Variants in UST observed in about 807,000 individuals in gnomAD.
The protein encoded by UST is chondroitin sulfate 2-O-sulfotransferase.
A neutral mutation model predicts 45.6 loss-of-function variants in UST; 21 were observed. The observed-to-expected ratio is 0.46, with a 90% CI of 0.33 to 0.66. UST has a LOEUF of 0.66. Ranked by LOEUF, UST falls within the 30% of genes least tolerant of loss-of-function variation. The pLI is 0.02. For missense variants in UST, 463 were observed against 512.4 expected (o/e 0.90, Z 0.93); for synonymous variants, 215 against 200.6 (o/e 1.07, Z -0.61).
intron 3 of UST, among the ~76,000 whole-genome samples, chr6:148,947,318 A>C (rs1330534673): frequency 1.3e-5 from 2 of 152,208 alleles, no homozygotes; most frequent in Non-Finnish European, 2.9e-5. Context: ...ACATGGGTTA[A>C]TAAAAAATTG....
intron 1 of UST, among the ~76,000 whole-genome samples, chr6:148,884,283 A>C (rs1464002105): frequency 2.0e-5 from 3 of 152,184 alleles, no homozygotes; most frequent in Non-Finnish European, 4.4e-5. Context: ...AATACTGAGT[A>C]CCTGCTATTT....
intron 6 of UST, among the ~76,000 whole-genome samples, chr6:149,019,994 G>A (rs1257746087): frequency 6.6e-6 from 1 of 152,154 alleles, no homozygotes; most frequent in Non-Finnish European, 1.5e-5. Context: ...CAACAATGAA[G>A]CATTATATTT....
intron 1 of UST, among the ~76,000 whole-genome samples, chr6:148,784,095 A>G (rs1205633153): frequency 6.6e-6 from 1 of 152,212 alleles, no homozygotes; most frequent in Admixed American, 6.5e-5. Flanking sequence ...CATTTTAAAT[A>G]AAGACTGACT....
In UST at chr6:148,830,771, G is replaced by A. The variant is rs902252780; in HGVS notation, c.248-56215G>A. ...CTAGAGTAGTCAAATTCATAGAAACGAAAATAAAATGGTGGTTGCCAGAGA... is the reference window on the plus strand; with the variant it reads ...CTAGAGTAGTCAAATTCATAGAAACAAAAATAAAATGGTGGTTGCCAGAGA... On this transcript the variant is annotated intron_variant, in intron 1 of 7. Coordinates refer to ENST00000367463, the MANE Select transcript of UST (RefSeq NM_005715.3). Among the ~76,000 whole-genome samples, 9 of 152,234 alleles carry A rather than the reference G, an allele frequency of 5.9e-5. No homozygotes were observed. In the East Asian group the frequency reaches 1.7e-3, roughly 29 times the overall value.
intron 1 of UST, among the ~76,000 whole-genome samples, chr6:148,866,037 A>T (rs115495241): frequency 0.013 from 2,042 of 152,180 alleles, 30 homozygotes; most frequent in Admixed American, 0.025. Flanking sequence ...GTGTATGTAT[A>T]TATATATACA....
intron 7 of UST, among the ~76,000 whole-genome samples, chr6:149,039,913 T>C (rs1377339754): frequency 6.6e-6 from 1 of 152,184 alleles, no homozygotes; most frequent in Non-Finnish European, 1.5e-5. Flanking sequence ...TGGCTCTCCT[T>C]CTCCCATCCT....
intron 1 of UST, among the ~76,000 whole-genome samples, chr6:148,758,847 T>C (rs1040357595): frequency 6.6e-6 from 1 of 152,192 alleles, no homozygotes; most frequent in Non-Finnish European, 1.5e-5. Flanking sequence ...TCGTAGAAAG[T>C]TGTATTTTGT....
At chr6:148,847,516 G>A (rs1265048441) in intron 1 of UST, among the ~76,000 whole-genome samples, 1 of 152,172 alleles carries the variant, frequency 6.6e-6, no homozygotes, top group East Asian at 1.9e-4. Flanking sequence ...GTCACTCCCT[G>A]TCACCTTTGG....
chr6:149,055,648 C>G (rs1427610401), intron 7 of UST, among the ~76,000 whole-genome samples: 1 of 152,174 alleles, frequency 6.6e-6, no homozygotes, highest in African/African-American at 2.4e-5. Flanking sequence ...CTCTTTCTTA[C>G]CTGCTTCTAA....
At chr6:148,813,637 C>A (rs1777301051) in intron 1 of UST, among the ~76,000 whole-genome samples, 2 of 152,176 alleles carry the variant, frequency 1.3e-5, no homozygotes, top group Admixed American at 6.5e-5. Context: ...ACCTTGGCCT[C>A]CCAAAGTGCT....
intron 7 of UST, among the ~76,000 whole-genome samples, chr6:149,042,268 CT>C (rs1304206822): frequency 6.6e-6 from 1 of 152,026 alleles, no homozygotes; most frequent in Non-Finnish European, 1.5e-5. Flanking sequence ...TTTTAAAGAG[CT>C]TTTTTTGTAG....
intron 7 of UST, among the ~76,000 whole-genome samples, chr6:149,067,748 A>T (rs1303128352): frequency 6.6e-6 from 1 of 152,192 alleles, no homozygotes. Context: ...CTCTGAGTGA[A>T]ATCATAAGAG....
intron 1 of UST, among the ~76,000 whole-genome samples, chr6:148,835,093 C>G (rs1777762001): frequency 6.6e-6 from 1 of 152,104 alleles, no homozygotes; most frequent in African/African-American, 2.4e-5. Flanking sequence ...GGTTCTGTGT[C>G]TGTGGATTCA....
intron 1 of UST, among the ~76,000 whole-genome samples, chr6:148,826,727 C>T (rs1269507063): frequency 6.6e-6 from 1 of 152,112 alleles, no homozygotes; most frequent in African/African-American, 2.4e-5. Flanking sequence ...ATCAAGGGGC[C>T]AGGAGGGCTG....
At chr6:148,914,880 A>T (rs534443915) in intron 2 of UST, among the ~76,000 whole-genome samples, 18 of 152,236 alleles carry the variant, frequency 1.2e-4, no homozygotes, top group Non-Finnish European at 2.6e-4. Flanking sequence ...GGCTTCTATA[A>T]CAAAATACCA....
intron 1 of UST, among the ~76,000 whole-genome samples, chr6:148,850,819 C>T (rs866000446): frequency 5.3e-5 from 8 of 152,320 alleles, no homozygotes; most frequent in South Asian, 4.1e-4. Context: ...CTATGATTCC[C>T]GTTGTCCCAC....
At chr6:148,853,872 T>C (rs949073449) in intron 1 of UST, among the ~76,000 whole-genome samples, 3 of 152,202 alleles carry the variant, frequency 2.0e-5, no homozygotes, top group Non-Finnish European at 4.4e-5. Flanking sequence ...AGTAACACTT[T>C]CTGCTCCCAG....
At chr6:148,892,520 T>C (rs11759833) in intron 2 of UST, among the ~76,000 whole-genome samples, 32,098 of 152,150 alleles carry the variant, frequency 0.21, 4,142 homozygotes, top group African/African-American at 0.35. Flanking sequence ...TAGGCTCACA[T>C]TGTTTAATAT....
At position 148,941,582 on chromosome 6, in the gene UST, G is replaced by C; in HGVS notation, c.447+148G>C. The C allele has an allele frequency of 1.5e-5, 14 of 933,132 alleles. No individual in the cohort carries two copies. In the South Asian group the frequency reaches 2.6e-4, roughly 17 times the overall value. The allele number at this position is 933,132 out of a possible 1,614,324, so 57.8% of individuals were successfully genotyped here. A position where few individuals can be genotyped will look rare whatever the true frequency, so the allele number is the denominator to read the frequency against. On this transcript the variant is annotated intron_variant, in intron 3 of 7. Transcript: ENST00000367463. ...CTGTATTTTTGCCAGAGTGTGGAAG[G>C]AAATTTAAGTTAAGGGTTCCATAAG...
Sources: gnomAD v4.1 joint callset for allele counts (sites outside exome capture counted in the v4.1 genomes callset) on GRCh38, gnomAD v4.1.1 for gene constraint, MANE v1.5 for transcripts, NCBI Gene and HGNC (gene_info 2026-07-23, HGNC 2026-07-21) for gene names.